The following PRMT3 variants were observed in gnomAD, a reference collection of about 807,000 sequenced individuals.
PRMT3 encodes the protein protein arginine N-methyltransferase 3.
In PRMT3, 62 loss-of-function variants were observed where a neutral mutation model predicts 71.9. That is an observed-to-expected ratio of 0.86 (90% CI 0.70 to 1.07). The LOEUF (loss-of-function observed/expected upper bound fraction) is 1.07. Ranked by LOEUF, PRMT3 falls within the 50% of genes least tolerant of loss-of-function variation. The pLI is 0.00. For synonymous variants in PRMT3, 213 were observed against 220.4 expected, an observed-to-expected ratio of 0.97 and a Z score of 0.30; for missense variants, 663 against 643.0, an observed-to-expected ratio of 1.03 and a Z score of -0.34.
intron 10 of PRMT3, among the ~76,000 whole-genome samples, chr11:20,436,930 T>A (rs530024134): frequency 6.6e-6 from 1 of 152,148 alleles, no homozygotes; most frequent in Non-Finnish European, 1.5e-5. Context: ...TTTGATAGAC[T>A]TTTTATTACA....
At chr11:20,419,558 G>C (rs1445997647) in intron 9 of PRMT3, among the ~76,000 whole-genome samples, 1 of 152,142 alleles carries the variant, frequency 6.6e-6, no homozygotes, top group African/African-American at 2.4e-5. Flanking sequence ...TAAGGAATCT[G>C]TACCTTTTCT....
intron 15 of PRMT3, among the ~76,000 whole-genome samples, chr11:20,503,899 T>C (rs1341528753): frequency 6.6e-6 from 1 of 152,190 alleles, no homozygotes; most frequent in East Asian, 1.9e-4. Context: ...TATAAGAAAC[T>C]GGCAAATTTT....
intron 13 of PRMT3, among the ~76,000 whole-genome samples, chr11:20,475,195 T>C (rs1275103572): frequency 6.6e-6 from 1 of 152,242 alleles, no homozygotes; most frequent in African/African-American, 2.4e-5. Context: ...CAAGGAGGCT[T>C]GAACAAACTT....
intron 9 of PRMT3, among the ~76,000 whole-genome samples, chr11:20,415,100 A>T (rs1476676603): frequency 6.6e-6 from 1 of 151,760 alleles, no homozygotes; most frequent in African/African-American, 2.4e-5. Flanking sequence ...AATTCTTGAC[A>T]TAAGGGATGC....
At chr11:20,452,315 G>T in intron 11 of PRMT3, 107 bp downstream of exon 11, 1 of 800,772 alleles carries the variant, frequency 1.2e-6, no homozygotes, top group Non-Finnish European at 2.0e-6. Flanking sequence ...TCCCGATAGG[G>T]TTGAAAGATG....
At chr11:20,460,383 A>G (rs1850356632) in intron 11 of PRMT3, among the ~76,000 whole-genome samples, 1 of 152,168 alleles carries the variant, frequency 6.6e-6, no homozygotes, top group Admixed American at 6.5e-5. Context: ...TGGAAAGACA[A>G]AGTTAATTTT....
At position 20,407,824 on chromosome 11, in the gene PRMT3, GA is replaced by G. The variant is rs1355777962; in HGVS notation, c.772-84del. The stretch of plus-strand genomic sequence containing the variant: ...TTTTATTGTGATCTTTTCCTAGCCA[GA>G]AACATCATAATATATGAATAGAATT... On this transcript the variant is annotated intron_variant, in intron 8 of 15. Transcript: ENST00000331079. 3 of 1,315,774 alleles carry G rather than the reference GA, an allele frequency of 2.3e-6. No homozygotes were observed. The African/African-American group carries it at 4.5e-5, about 20-fold the overall frequency. The allele number at this position is 1,315,774 out of a possible 1,614,324, so 81.5% of individuals were successfully genotyped here. A position where few individuals can be genotyped will look rare whatever the true frequency, so the allele number is the denominator to read the frequency against.
Position 20,452,226 on chromosome 11 carries a change from G to A in PRMT3, c.1072+18G>A. 6.4e-7 allele frequency: 1 copy of A among 1,564,090 alleles called. No individual in the cohort carries two copies. Among genetic ancestry groups the A allele is most frequent in the Non-Finnish European group, 8.8e-7 (1 of 1,136,174 alleles). ...AGGCTCGGGTGAGTATAAAATTCTG[G>A]TTTTAATAATCTAATTTTAGTCTAG... On this transcript the variant is annotated intron_variant, in intron 11 of 15. Coordinates refer to ENST00000331079, the MANE Select transcript of PRMT3 (RefSeq NM_005788.4).
chr11:20,506,466 C>T (rs933661662), intron 15 of PRMT3, among the ~76,000 whole-genome samples: 4 of 138,214 alleles, frequency 2.9e-5, no homozygotes, highest in Non-Finnish European at 6.5e-5. Context: ...TTATTTAACT[C>T]CTTAATTATG....
rs1491118858 is a variant in PRMT3, at chr11:20,441,788, G to GTGT, written c.994-10341_994-10340insGTT. Among the ~76,000 whole-genome samples the GTGT allele has an allele frequency of 1.7e-4, 20 of 118,494 alleles. 3 individuals carry two copies. Among genetic ancestry groups the GTGT allele is most frequent in the East Asian group, 5.3e-4 (2 of 3,750 alleles). The allele number at this position is 118,494 out of a possible 152,430, so 77.7% of individuals were successfully genotyped here. On this transcript the variant is annotated intron_variant, in intron 10 of 15. Transcript: ENST00000331079. ...TATAACCTACCTACAATAGTTTCAG[G>GTGT]TTTTTTTTTTTTTTTTTTTTTGAGA...
chr11:20,435,387 A>G (rs1416809060), intron 10 of PRMT3, among the ~76,000 whole-genome samples: 1 of 152,044 alleles, frequency 6.6e-6, no homozygotes, highest in Non-Finnish European at 1.5e-5. Context: ...TTTTCAGTAG[A>G]GATGGGGTTT....
intron 13 of PRMT3, among the ~76,000 whole-genome samples, chr11:20,479,286 G>T (rs909298532): frequency 3.9e-5 from 6 of 152,150 alleles, no homozygotes; most frequent in Non-Finnish European, 5.9e-5. Context: ...CGTTCTTTGA[G>T]TAGTAGCATA....
chr11:20,432,937 A>T (rs750217626), intron 10 of PRMT3, among the ~76,000 whole-genome samples: 18 of 152,038 alleles, frequency 1.2e-4, no homozygotes, highest in Non-Finnish European at 2.6e-4. Flanking sequence ...TATATTCTGG[A>T]TATTAATCTC....
intron 11 of PRMT3, among the ~76,000 whole-genome samples, 191 bp downstream of exon 11, chr11:20,452,399 G>A (rs148488012): frequency 5.0e-4 from 76 of 152,196 alleles, no homozygotes; most frequent in African/African-American, 1.7e-3. Flanking sequence ...AGACATGGGG[G>A]ACTCCAAGGT....
intron 10 of PRMT3, among the ~76,000 whole-genome samples, chr11:20,448,976 G>A (rs111452526): frequency 4.2e-4 from 64 of 152,188 alleles, no homozygotes; most frequent in South Asian, 3.1e-3. Flanking sequence ...GCAGATGAGC[G>A]GGGCATTTGG....
chr11:20,448,503 A>G (rs968132973), intron 10 of PRMT3, among the ~76,000 whole-genome samples: 2 of 152,110 alleles, frequency 1.3e-5, no homozygotes, highest in African/African-American at 2.4e-5. Flanking sequence ...ATTTCAGATT[A>G]TTGAGTCTTT....
intron 9 of PRMT3, among the ~76,000 whole-genome samples, chr11:20,424,125 A>G (rs1371860940): frequency 2.0e-5 from 3 of 151,040 alleles, no homozygotes; most frequent in Non-Finnish European, 4.4e-5. Context: ...TGGAGCTTAC[A>G]GTGAGCCGAG....
At chr11:20,428,011 T>G (rs1179666303) in intron 10 of PRMT3, among the ~76,000 whole-genome samples, 2 of 152,150 alleles carry the variant, frequency 1.3e-5, no homozygotes, top group Non-Finnish European at 2.9e-5. Context: ...TGTAGTAGTG[T>G]AGGGAGTTCC....
intron 13 of PRMT3, among the ~76,000 whole-genome samples, chr11:20,476,121 G>A (rs1050320500): frequency 1.6e-4 from 24 of 151,924 alleles, no homozygotes; most frequent in African/African-American, 5.5e-4. Flanking sequence ...AGGCCGAGGC[G>A]AGTGGATCAC....
Sources: allele counts gnomAD v4.1 joint callset (sites outside exome capture counted in the v4.1 genomes callset), GRCh38; gene constraint gnomAD v4.1.1; transcripts MANE v1.5; gene names NCBI Gene and HGNC (gene_info 2026-07-23, HGNC 2026-07-21).